The following CACNA1B variants were observed in gnomAD, a reference collection of about 807,000 sequenced individuals.
The protein encoded by CACNA1B is calcium voltage-gated channel subunit alpha1 B, also known as voltage-dependent N-type calcium channel subunit alpha-1B.
CACNA1B carries 70 observed loss-of-function variants against 247.2 expected under a neutral mutation model. That is an observed-to-expected ratio of 0.28 (90% CI 0.23 to 0.35). The LOEUF (loss-of-function observed/expected upper bound fraction) is 0.35. Ranked by LOEUF, CACNA1B falls within the 10% of genes least tolerant of loss-of-function variation. The probability of loss-of-function intolerance (pLI) is 1.00; values close to 1 mark genes in which losing one functional copy is unlikely to be tolerated. For missense variants in CACNA1B, 2,367 were observed against 3,197.4 expected (o/e 0.74, Z 6.26); for synonymous variants, 1,231 against 1,294.4 (o/e 0.95, Z 1.05).
intron 20 of CACNA1B, among the ~76,000 whole-genome samples, chr9:138,027,777 A>C (rs1397759737): frequency 6.6e-6 from 1 of 152,200 alleles, no homozygotes; most frequent in African/African-American, 2.4e-5. Context: ...TTGCAATCTT[A>C]GAATAAATCC....
chr9:138,056,071 G>T (rs1427720445), intron 26 of CACNA1B, among the ~76,000 whole-genome samples: 1 of 152,030 alleles, frequency 6.6e-6, no homozygotes, highest in Non-Finnish European at 1.5e-5. Context: ...TTATTGAGAT[G>T]TAACTAACAC....
chr9:138,074,750 T>A (rs2131314959), intron 34 of CACNA1B, among the ~76,000 whole-genome samples: 1 of 152,350 alleles, frequency 6.6e-6, no homozygotes, highest in South Asian at 2.1e-4. Context: ...CAGGTCAGAA[T>A]GGGTGCTGGC....
chr9:138,063,859 A>T (rs1016567701), intron 31 of CACNA1B, among the ~76,000 whole-genome samples: 1 of 152,044 alleles, frequency 6.6e-6, no homozygotes, highest in Non-Finnish European at 1.5e-5. Flanking sequence ...GGTGGCACTA[A>T]CCTCTCCATT....
chr9:138,122,016 C>T lies in CACNA1B; in HGVS notation c.*17C>T, dbSNP rs201556710. ...TGGTGCTAGCTGCACCGTGACCGCT[C>T]AGACGCCTGCATGCAGCAGGCGTGT... is the stretch of plus-strand genomic sequence containing the variant. On this transcript the variant is annotated 3_prime_UTR_variant, in exon 47 of 47. Coordinates refer to ENST00000371372, the MANE Select transcript of CACNA1B (RefSeq NM_000718.4). The T allele has an allele frequency of 1.1e-5, 17 of 1,583,142 alleles. No homozygotes were observed. The highest frequency in any genetic ancestry group is 6.8e-5 in the East Asian group (3 of 44,320).
chr9:137,975,180 A>G, intron 11 of CACNA1B, among the ~76,000 whole-genome samples: 1 of 152,160 alleles, frequency 6.6e-6, no homozygotes, highest in Non-Finnish European at 1.5e-5. Flanking sequence ...CTCAGTACTG[A>G]GGCCCGGAAG....
chr9:137,965,245 C>T (rs759732860), intron 10 of CACNA1B, among the ~76,000 whole-genome samples: 1 of 152,250 alleles, frequency 6.6e-6, no homozygotes, highest in Non-Finnish European at 1.5e-5. Context: ...TTGGAGATGC[C>T]TTCGTTCCCT....
rs138277172 is a variant in CACNA1B, at chr9:138,056,933, G to GTTTTT, written c.3969-783_3969-779dup. Among the ~76,000 whole-genome samples, 361 of 113,424 alleles carry GTTTTT rather than the reference G, an allele frequency of 3.2e-3. 2 individuals carry two copies. The highest frequency in any genetic ancestry group is 9.1e-3 in the East Asian group (32 of 3,514). 74.4% of individuals were successfully genotyped at this position (113,424 alleles called of 152,430 possible). On this transcript the variant is annotated intron_variant, in intron 26 of 46. Coordinates refer to ENST00000371372, the MANE Select transcript of CACNA1B (RefSeq NM_000718.4). ...GATCCTTTACCCATTTTTTATTTGGGTTTTTTTTTTTTTTTTTTTTGAGAC... is the reference window on the plus strand; with the variant it reads ...GATCCTTTACCCATTTTTTATTTGGGTTTTTTTTTTTTTTTTTTTTTTTTTGAGAC...
At chr9:138,030,377 A>G (rs751574020) in intron 20 of CACNA1B, among the ~76,000 whole-genome samples, 1 of 151,720 alleles carries the variant, frequency 6.6e-6, no homozygotes, top group Non-Finnish European at 1.5e-5. Context: ...TTTCTGTTAT[A>G]TGGTATTTTA....
At chr9:137,960,322 G>T (rs1958001746) in intron 10 of CACNA1B, among the ~76,000 whole-genome samples, 2 of 150,206 alleles carry the variant, frequency 1.3e-5, no homozygotes, top group Admixed American at 1.3e-4. Flanking sequence ...GGGGCGTGGG[G>T]TGGCGAGGTA....
chr9:137,960,182 A>T (rs1284940068), intron 10 of CACNA1B, among the ~76,000 whole-genome samples: 158 of 123,572 alleles, frequency 1.3e-3, no homozygotes, highest in East Asian at 2.2e-3. Context: ...CGGGGAGGGA[A>T]AGTTGGCCTG....
At chr9:138,060,035 G>A (rs1279778189) in intron 31 of CACNA1B, among the ~76,000 whole-genome samples, 2 of 152,176 alleles carry the variant, frequency 1.3e-5, no homozygotes, top group Admixed American at 6.5e-5. Context: ...ATTTGTATCT[G>A]TATAATATGT....
chr9:137,917,019 C>T lies in CACNA1B; in HGVS notation c.776-222C>T, dbSNP rs1957420552. On this transcript the variant is annotated intron_variant, in intron 5 of 46. Coordinates refer to ENST00000371372, the MANE Select transcript of CACNA1B (RefSeq NM_000718.4). The surrounding 1 kb of genome is among the most constrained non-coding windows in gnomAD (Gnocchi z 5.5). ...GCAGGTTCCAGTAGGAGGGAGAGGCCAGCCGTTACTCCCTGAGTTGGTCAC... is the reference window on the plus strand; with the variant it reads ...GCAGGTTCCAGTAGGAGGGAGAGGCTAGCCGTTACTCCCTGAGTTGGTCAC... 6.6e-6 allele frequency among the ~76,000 whole-genome samples: 1 copy of T among 152,050 alleles called. No homozygotes were observed. Among genetic ancestry groups the T allele is most frequent in the Non-Finnish European group, 1.5e-5 (1 of 68,010 alleles).
rs1956910699 is a variant in CACNA1B, at chr9:137,881,041, G to A, written c.391-1703G>A. Among the ~76,000 whole-genome samples, 1 of 152,256 alleles carries A rather than the reference G, an allele frequency of 6.6e-6. No individual in the cohort carries two copies. Among genetic ancestry groups the A allele is most frequent in the African/African-American group, 2.4e-5 (1 of 41,476 alleles). ...GGCAGAGCTGTGAGGAGAGGGCTCG[G>A]GCTGGGGGCTCCTTCCCAGCTGAGG... On this transcript the variant is annotated intron_variant, in intron 2 of 46. Coordinates refer to ENST00000371372, the MANE Select transcript of CACNA1B (RefSeq NM_000718.4). The surrounding 1 kb of genome is among the most constrained non-coding windows in gnomAD (Gnocchi z 4.3).
chr9:138,071,777 C>T (rs1960142517), intron 32 of CACNA1B, among the ~76,000 whole-genome samples: 4 of 152,146 alleles, frequency 2.6e-5, no homozygotes, highest in Admixed American at 1.3e-4. Context: ...TCCCCAGTGT[C>T]TTCAGGGAAT....
Position 138,012,360 on chromosome 9 carries a change from A to G in CACNA1B, c.2161-769A>G, listed in dbSNP as rs1379977902. Among the ~76,000 whole-genome samples, 1 of 152,092 alleles carries G rather than the reference A, an allele frequency of 6.6e-6. No homozygotes were observed. Among genetic ancestry groups the G allele is most frequent in the East Asian group, 1.9e-4 (1 of 5,178 alleles). On this transcript the variant is annotated intron_variant, in intron 17 of 46. Transcript: ENST00000371372. This position sits in a 1 kb window ranked among gnomAD's most constrained non-coding sequence, Gnocchi z 4.2. ...TCTTGCCCTTGCTCTTGGCTTTGTT[A>G]AAGTGTGACAGATGCTCCTGGGGGG...
At chr9:137,904,244 A>G (rs1486462687) in intron 3 of CACNA1B, among the ~76,000 whole-genome samples, 2 of 152,128 alleles carry the variant, frequency 1.3e-5, no homozygotes, top group Non-Finnish European at 2.9e-5. Flanking sequence ...TGTAAAACCC[A>G]GAGTGCTGGG....
In CACNA1B at chr9:137,957,695, T is replaced by G; in HGVS notation, c.1333+8T>G. The G allele has an allele frequency of 6.4e-7, 1 of 1,569,388 alleles. No homozygotes were observed. The highest frequency in any genetic ancestry group is 8.7e-7 in the Non-Finnish European group (1 of 1,154,370). The stretch of plus-strand genomic sequence containing the variant: ...CAGATCTCTGTGCTGTTGGTGAGTC[T>G]CAGGGTGTCCCTCCAGCTCTGCCAG... On this transcript the variant is annotated splice_region_variant and intron_variant, in intron 10 of 46. Coordinates refer to ENST00000371372, the MANE Select transcript of CACNA1B (RefSeq NM_000718.4). The surrounding 1 kb of genome is among the most constrained non-coding windows in gnomAD (Gnocchi z 4.7).
At position 137,975,991 on chromosome 9, in the gene CACNA1B, G is replaced by A. The variant is rs201293567; in HGVS notation, c.1628G>A (p.Arg543Gln). The change falls in exon 12 of 47, where the codon CGG (arginine) becomes CAG (glutamine). Residue 543 changes from arginine (R) to glutamine (Q), a missense_variant. This residue lies in a region of CACNA1B where 219 missense variants were observed against 297.6 expected (regional missense o/e 0.74). Transcript: ENST00000371372. ...GGCCTGGGGCCCAGAAGCTACTTCC[G>A]GTCCTCCTTCAACTGCTTCGACTTT... ...MYGLGPRSYF[R>Q]SSFNCFDFGV... 31 of 1,612,242 alleles carry A rather than the reference G, an allele frequency of 1.9e-5. No individual in the cohort carries two copies. Among genetic ancestry groups the A allele is most frequent in the South Asian group, 3.3e-5 (3 of 90,996 alleles).
Position 137,956,761 on chromosome 9 carries a change from C to A in CACNA1B, c.1187-10C>A. The stretch of plus-strand genomic sequence containing the variant: ...GAGGGCTCTGACCTGAGGCTGTGTT[C>A]CCCTCGCAGAGGAAGTCATGCTGGC... On this transcript the variant is annotated splice_polypyrimidine_tract_variant and intron_variant, in intron 8 of 46. Coordinates refer to ENST00000371372, the MANE Select transcript of CACNA1B (RefSeq NM_000718.4). 6.2e-7 allele frequency: 1 copy of A among 1,613,084 alleles called. No homozygotes were observed. Among genetic ancestry groups the A allele is most frequent in the Non-Finnish European group, 8.5e-7 (1 of 1,179,322 alleles).
Sources: gnomAD v4.1 joint callset for allele counts (sites outside exome capture counted in the v4.1 genomes callset) on GRCh38, gnomAD v4.1.1 for gene constraint, gnomAD v4.1.1 regional missense constraint, Gnocchi (gnomAD v3.1) non-coding constraint, MANE v1.5 for transcripts, NCBI Gene and HGNC (gene_info 2026-07-23, HGNC 2026-07-21) for gene names.